The following ADRA1B variants were observed in gnomAD, a reference collection of about 807,000 sequenced individuals.
The protein encoded by ADRA1B is adrenoceptor alpha 1B.
A neutral mutation model predicts 17.9 loss-of-function variants in ADRA1B; 17 were observed. The ratio of observed to expected loss-of-function variants is 0.95; its 90% confidence interval spans 0.65 to 1.42. The LOEUF (loss-of-function observed/expected upper bound fraction) is 1.42. Ranked by LOEUF, ADRA1B falls within the 40% of genes most tolerant of loss-of-function variation. ADRA1B has a pLI of 0.00. For missense variants in ADRA1B, 681 were observed against 722.1 expected, an observed-to-expected ratio of 0.94 and a Z score of 0.65; for synonymous variants, 366 against 327.6, an observed-to-expected ratio of 1.12 and a Z score of -1.27.
At chr5:159,955,184 G>A (rs948114284) in intron 1 of ADRA1B, 40 of 985,230 alleles carry the variant, frequency 4.1e-5, no homozygotes, top group African/African-American at 1.7e-4. Context: ...GTGTACCAGC[G>A]TCATTCACTC....
At chr5:159,887,923 C>T (rs530816302) in intron 1 of ADRA1B, 14 of 152,224 alleles carry the variant, frequency 9.2e-5, no homozygotes, top group African/African-American at 3.4e-4. Flanking sequence ...AGAATGCCCA[C>T]CCCTCACTTC....
intron 1 of ADRA1B, among the ~76,000 whole-genome samples, chr5:159,899,038 G>A (rs886372785): frequency 2.0e-5 from 3 of 151,906 alleles, no homozygotes; most frequent in Non-Finnish European, 4.4e-5. Flanking sequence ...TCCCAGCTAC[G>A]TGGGAGGCTG....
chr5:159,865,592 A>C lies in ADRA1B; in HGVS notation c.-256+386A>C, dbSNP rs548760227. On this transcript the variant is annotated intron_variant, in intron 1 of 2. Coordinates refer to the ADRA1B transcript ENST00000641205. ...ATATAGCCTATCACAACTGCATTGC[A>C]TTTTTCCAACAGTCTTAGAAAAGAT... Among the ~76,000 whole-genome samples the C allele has an allele frequency of 2.9e-3, 440 of 152,300 alleles. 2 individuals carry two copies. The highest frequency in any genetic ancestry group is 9.6e-3 in the African/African-American group (397 of 41,546).
intron 1 of ADRA1B, among the ~76,000 whole-genome samples, chr5:159,911,186 G>A (rs1233343302): frequency 6.6e-6 from 1 of 152,102 alleles, no homozygotes; most frequent in Non-Finnish European, 1.5e-5. Flanking sequence ...TAGATTTTTG[G>A]GCAAAGTGAT....
At chr5:159,950,239 C>A (rs1291209176) in intron 1 of ADRA1B, among the ~76,000 whole-genome samples, 3 of 152,206 alleles carry the variant, frequency 2.0e-5, no homozygotes, top group Non-Finnish European at 4.4e-5. Context: ...AATTAGCAAG[C>A]TTAAGTGATC....
At chr5:159,885,699 C>T (rs55977993) in intron 1 of ADRA1B, among the ~76,000 whole-genome samples, 37,193 of 152,120 alleles carry the variant, frequency 0.24, 4,999 homozygotes, top group Non-Finnish European at 0.32. Flanking sequence ...TTGAAGACAT[C>T]CTCTTCCAGA....
At chr5:159,883,282 G>A (rs144728368) in intron 1 of ADRA1B, among the ~76,000 whole-genome samples, 11 of 152,212 alleles carry the variant, frequency 7.2e-5, no homozygotes, top group African/African-American at 2.4e-4. Flanking sequence ...AGTCTGGCAC[G>A]ATGATTCTTT....
intron 1 of ADRA1B, among the ~76,000 whole-genome samples, chr5:159,935,872 C>T (rs1023765847): frequency 6.6e-6 from 1 of 152,226 alleles, no homozygotes; most frequent in African/African-American, 2.4e-5. Context: ...TAAATGTATA[C>T]TCTTAAGAAG....
At chr5:159,971,391 C>A (rs1042364265) in intron 1 of ADRA1B, among the ~76,000 whole-genome samples, 6 of 152,110 alleles carry the variant, frequency 3.9e-5, no homozygotes, top group African/African-American at 1.4e-4. Context: ...TTATGTTGTT[C>A]TCTTTTACCT....
chr5:159,931,871 T>C (rs74641610), intron 1 of ADRA1B, among the ~76,000 whole-genome samples: 4,043 of 152,326 alleles, frequency 0.027, 80 homozygotes, highest in Non-Finnish European at 0.036. Context: ...GTGACCTACT[T>C]GCCTTTCACA....
chr5:159,966,170 G>GTAGT (rs1755773130), intron 1 of ADRA1B, among the ~76,000 whole-genome samples: 1 of 152,138 alleles, frequency 6.6e-6, no homozygotes, highest in African/African-American at 2.4e-5. Context: ...CACCCAAAAT[G>GTAGT]ATACATGTAG....
chr5:159,917,537 C>T lies in ADRA1B; in HGVS notation c.632C>T (p.Ser211Phe). ...TATGCCCTCTTCTCCTCTCTGGGCT[C>T]CTTCTACATCCCTCTGGCGGTCATT... ...PFYALFSSLGSFYIPLAVILV... is the reference protein window; with the variant it reads ...PFYALFSSLGFFYIPLAVILV... The change falls in exon 1 of 2, where the codon TCC becomes TTC. Residue 211 changes from serine (S) to phenylalanine (F), a missense_variant. Transcript: ENST00000306675. The T allele has an allele frequency of 6.2e-7, 1 of 1,614,068 alleles. No individual in the cohort carries two copies. Among genetic ancestry groups the T allele is most frequent in the Non-Finnish European group, 8.5e-7 (1 of 1,179,996 alleles).
chr5:159,946,156 A>G (rs1449212571), intron 1 of ADRA1B, among the ~76,000 whole-genome samples: 1 of 152,170 alleles, frequency 6.6e-6, no homozygotes, highest in East Asian at 1.9e-4. Context: ...TCCAGAAGAG[A>G]TGATGGTAAC....
At chr5:159,894,045 G>A (rs377682518) in intron 1 of ADRA1B, among the ~76,000 whole-genome samples, 19 of 152,170 alleles carry the variant, frequency 1.2e-4, no homozygotes, top group South Asian at 4.2e-4. Context: ...CACATGGCCA[G>A]AATATCCACC....
the ADRA1B span, among the ~76,000 whole-genome samples, chr5:159,984,754 A>G: frequency 2.0e-5 from 3 of 151,844 alleles, no homozygotes; most frequent in African/African-American, 7.3e-5. Context: ...AAAAAAAAAA[A>G]AAAAATTAGC....
chr5:159,976,215 C>G, downstream of ADRA1B, among the ~76,000 whole-genome samples: 1 of 152,190 alleles, frequency 6.6e-6, no homozygotes, highest in East Asian at 1.9e-4. Flanking sequence ...CAGAGGTAGT[C>G]ATTCTTCAAT....
At chr5:159,980,925 A>T in the ADRA1B span, among the ~76,000 whole-genome samples, 1 of 150,926 alleles carries the variant, frequency 6.6e-6, no homozygotes, top group Admixed American at 6.6e-5. Context: ...ATTTTGGGAG[A>T]CCTCACAATA....
At chr5:159,975,184 T>C (rs886822534), downstream of ADRA1B, among the ~76,000 whole-genome samples, 14 of 152,196 alleles carry the variant, frequency 9.2e-5, no homozygotes, top group Admixed American at 2.0e-4. Flanking sequence ...AAATCTGATA[T>C]AAGATCAGCC....
At chr5:159,974,897 A>G (rs1261182984), downstream of ADRA1B, among the ~76,000 whole-genome samples, 1 of 152,146 alleles carries the variant, frequency 6.6e-6, no homozygotes, top group Non-Finnish European at 1.5e-5. Flanking sequence ...TGACTGGGTC[A>G]CACCAAAGCT....
Sources: gnomAD v4.1 joint callset for allele counts (sites outside exome capture counted in the v4.1 genomes callset) on GRCh38, gnomAD v4.1.1 for gene constraint, MANE v1.5 for transcripts, NCBI Gene and HGNC (gene_info 2026-07-23, HGNC 2026-07-21) for gene names.